The following TRMT9B variants were observed in gnomAD, a reference collection of about 807,000 sequenced individuals.
TRMT9B encodes the protein tRNA methyltransferase 9B (putative), also known as probable tRNA methyltransferase 9B.
TRMT9B carries 16 observed loss-of-function variants against 11.5 expected under a neutral mutation model. The observed-to-expected ratio is 1.39, with a 90% CI of 0.94 to 2.11. The LOEUF is 2.11. Among genes scored for constraint, TRMT9B ranks in the 30% most tolerant of loss-of-function variants. TRMT9B has a pLI of 0.00. For synonymous variants in TRMT9B, 274 were observed against 192.4 expected (o/e 1.42, Z -3.51); for missense variants, 941 against 553.8 (o/e 1.70, Z -7.02).
intron 1 of TRMT9B, among the ~76,000 whole-genome samples, chr8:12,970,904 A>T (rs1285560571): frequency 6.6e-6 from 1 of 152,156 alleles, no homozygotes; most frequent in Non-Finnish European, 1.5e-5. Context: ...GATTTGGGGG[A>T]TGTTAAAACA....
intron 1 of TRMT9B, among the ~76,000 whole-genome samples, chr8:12,986,758 C>G (rs1014492573): frequency 3.3e-5 from 5 of 152,208 alleles, no homozygotes; most frequent in African/African-American, 1.2e-4. Context: ...AGCATGTTCC[C>G]TGCCTTAACT....
rs1011333471 is a variant in TRMT9B, at chr8:13,024,151, C to G, written c.*2107C>G. The G allele has an allele frequency of 6.6e-6, 1 of 151,630 alleles. No homozygotes were observed. Among genetic ancestry groups the G allele is most frequent in the Non-Finnish European group, 1.5e-5 (1 of 67,748 alleles). 9.4% of individuals were successfully genotyped at this position (151,630 alleles called of 1,614,324 possible). The stretch of plus-strand genomic sequence containing the variant: ...CTCCGCCTCCCGGGTTCACGCCATC[C>G]TCCTGCCTCAGCCTCCCAAGTAGCT... On this transcript the variant is annotated 3_prime_UTR_variant, in exon 5 of 5. Coordinates refer to ENST00000524591, the MANE Select transcript of TRMT9B (RefSeq NM_020844.3).
At chr8:12,978,537 T>A (rs1003215436) in intron 1 of TRMT9B, among the ~76,000 whole-genome samples, 9 of 151,840 alleles carry the variant, frequency 5.9e-5, no homozygotes, top group African/African-American at 1.9e-4. Context: ...GATAGATAGA[T>A]AGATAGATAG....
chr8:12,980,285 T>A (rs977050144), intron 1 of TRMT9B, among the ~76,000 whole-genome samples: 1 of 152,188 alleles, frequency 6.6e-6, no homozygotes, highest in African/African-American at 2.4e-5. Flanking sequence ...TAACTCCAAT[T>A]TCTGCCTTCT....
intron 1 of TRMT9B, among the ~76,000 whole-genome samples, chr8:12,983,866 C>T (rs562147975): frequency 7.9e-5 from 12 of 152,294 alleles, no homozygotes; most frequent in African/African-American, 2.9e-4. Flanking sequence ...CTGTTAACAG[C>T]TGACACAGGT....
chr8:13,005,129 T>A (rs1704156236), intron 2 of TRMT9B, among the ~76,000 whole-genome samples: 1 of 151,826 alleles, frequency 6.6e-6, no homozygotes, highest in Admixed American at 6.6e-5. Context: ...AATCCTGTCA[T>A]TCGCAATAAC....
At chr8:12,948,455 A>G (rs1800371951) in intron 1 of TRMT9B, among the ~76,000 whole-genome samples, 2 of 148,270 alleles carry the variant, frequency 1.3e-5, no homozygotes, top group African/African-American at 2.4e-5. Flanking sequence ...ATATGTATGT[A>G]TATAACACAT....
chr8:13,021,253 C>T lies in TRMT9B; in HGVS notation c.574C>T (p.Pro192Ser), dbSNP rs1299684231. The T allele has an allele frequency of 3.1e-6, 5 of 1,613,894 alleles. No individual in the cohort carries two copies. The highest frequency in any genetic ancestry group is 2.2e-5 in the South Asian group (2 of 91,080). The change falls in exon 5 of 5, where the codon CCT becomes TCT. Residue 192 changes from proline (P) to serine (S), a missense_variant. Transcript: ENST00000524591. ...GYPERGHPYHPPCSECSCSVC... is the reference protein window; with the variant it reads ...GYPERGHPYHSPCSECSCSVC... ...CCCAGAAAGAGGCCATCCCTACCAT[C>T]CTCCTTGCTCTGAGTGTAGCTGTTC...
At chr8:12,954,435 AG>A (rs201595189) in intron 1 of TRMT9B, among the ~76,000 whole-genome samples, 8,404 of 152,268 alleles carry the variant, frequency 0.055, 613 homozygotes, top group African/African-American at 0.16. Context: ...TAATATTGAG[AG>A]CAAAATGCAA....
chr8:12,983,496 C>T (rs1375429752), intron 1 of TRMT9B, among the ~76,000 whole-genome samples: 3 of 152,062 alleles, frequency 2.0e-5, no homozygotes, highest in African/African-American at 4.8e-5. Flanking sequence ...ACGGTGAAAT[C>T]CCATCTCTAC....
At position 13,012,691 on chromosome 8, in the gene TRMT9B, G is replaced by C; in HGVS notation, c.162G>C (p.Gly54=). ...PGSLIADIGC[G]TGKYLKVNSQ... ...CAGGTTTTTCTCTTATAGGTTGTGGGACTGGAAAATATCTTAAAGTGAACA... is the reference window on the plus strand; with the variant it reads ...CAGGTTTTTCTCTTATAGGTTGTGGCACTGGAAAATATCTTAAAGTGAACA... Residue 54 remains glycine (G), a synonymous_variant, in exon 4 of 5, where the codon GGG becomes GGC. Transcript: ENST00000524591. The C allele has an allele frequency of 1.2e-6, 2 of 1,612,808 alleles. No individual in the cohort carries two copies. Among genetic ancestry groups the C allele is most frequent in the Non-Finnish European group, 1.7e-6 (2 of 1,179,202 alleles).
chr8:13,010,838 A>G lies in TRMT9B; in HGVS notation c.155-1846A>G, dbSNP rs565020183. On this transcript the variant is annotated intron_variant, in intron 3 of 4. Transcript: ENST00000524591. ...ATTTTAATTTTAAAATACTTTGTGA[A>G]TTATATTTTCCCCATGATTGCCTTC... is the stretch of plus-strand genomic sequence containing the variant. 17 of 982,192 alleles carry G rather than the reference A, an allele frequency of 1.7e-5. No individual in the cohort carries two copies. The East Asian group carries it at 1.8e-3, about 105-fold the overall frequency. 60.8% of individuals were successfully genotyped at this position (982,192 alleles called of 1,614,324 possible).
At chr8:13,009,501 C>A (rs1456370476) in intron 3 of TRMT9B, among the ~76,000 whole-genome samples, 1 of 152,106 alleles carries the variant, frequency 6.6e-6, no homozygotes, top group African/African-American at 2.4e-5. Flanking sequence ...CATCCCAGTC[C>A]CTGGCGCCAA....
At chr8:12,983,692 C>T (rs1585200766) in intron 1 of TRMT9B, among the ~76,000 whole-genome samples, 1 of 151,994 alleles carries the variant, frequency 6.6e-6, no homozygotes, top group Non-Finnish European at 1.5e-5. Flanking sequence ...ATAATAAAAC[C>T]CTTCTAGCAG....
At chr8:12,957,759 T>C (rs547609701) in intron 1 of TRMT9B, among the ~76,000 whole-genome samples, 1 of 152,334 alleles carries the variant, frequency 6.6e-6, no homozygotes, top group South Asian at 2.1e-4. Flanking sequence ...TTTTAAAAAA[T>C]TGTAATAAAA....
intron 1 of TRMT9B, among the ~76,000 whole-genome samples, chr8:12,989,381 C>A (rs779235389): frequency 5.9e-5 from 9 of 152,184 alleles, no homozygotes; most frequent in Admixed American, 6.5e-5. Context: ...GCACTTTAGA[C>A]AGAGGCAAAT....
intron 1 of TRMT9B, among the ~76,000 whole-genome samples, chr8:12,988,055 T>C (rs1806642012): frequency 6.6e-6 from 1 of 152,248 alleles, no homozygotes; most frequent in African/African-American, 2.4e-5. Flanking sequence ...TGTGCGTGTG[T>C]TGCTGTTATT....
intron 1 of TRMT9B, among the ~76,000 whole-genome samples, chr8:12,975,549 C>A (rs1013360705): frequency 6.6e-6 from 1 of 151,950 alleles, no homozygotes; most frequent in African/African-American, 2.4e-5. Context: ...CCAGCCTGGC[C>A]AACATGGCGA....
intron 1 of TRMT9B, among the ~76,000 whole-genome samples, chr8:12,948,919 C>T (rs548662219): frequency 6.6e-6 from 1 of 152,294 alleles, no homozygotes; most frequent in East Asian, 1.9e-4. Flanking sequence ...GAGATCGCAC[C>T]ACTGCACTCC....
Sources: gnomAD v4.1 joint callset for allele counts (sites outside exome capture counted in the v4.1 genomes callset) on GRCh38, gnomAD v4.1.1 for gene constraint, MANE v1.5 for transcripts, NCBI Gene and HGNC (gene_info 2026-07-23, HGNC 2026-07-21) for gene names.